The following ITPR1 variants were observed in gnomAD, a reference collection of about 807,000 sequenced individuals.
ITPR1 encodes the protein inositol 1,4,5-trisphosphate receptor type 1.
In ITPR1, 96 loss-of-function variants were observed where a neutral mutation model predicts 318.4. The ratio of observed to expected loss-of-function variants is 0.30; its 90% CI spans 0.26 to 0.36. The LOEUF (loss-of-function observed/expected upper bound fraction) is 0.36. Ranked by LOEUF, ITPR1 falls within the 10% of genes least tolerant of loss-of-function variation. The probability of loss-of-function intolerance (pLI) is 1.00; values close to 1 mark genes in which losing one functional copy is unlikely to be tolerated. For synonymous variants in ITPR1, 1,312 were observed against 1,289.9 expected, an observed-to-expected ratio of 1.02 and a Z score of -0.37; for missense variants, 2,440 against 3,460.2, an observed-to-expected ratio of 0.71 and a Z score of 7.40.
chr3:4,846,914 T>TTAAAC lies in ITPR1; in HGVS notation c.*692_*696dup. 6.6e-6 allele frequency: 1 copy of TTAAAC among 152,644 alleles called. No individual in the cohort carries two copies. Among genetic ancestry groups the TTAAAC allele is most frequent in the South Asian group, 2.1e-4 (1 of 4,834 alleles). The allele number at this position is 152,644 out of a possible 1,614,324, so 9.5% of individuals were successfully genotyped here. A position where few individuals can be genotyped will look rare whatever the true frequency, so the allele number is the denominator to read the frequency against. On this transcript the variant is annotated 3_prime_UTR_variant, in exon 62 of 62. Transcript: ENST00000649015. ...ACTTTTAAGCTTCTAAATTGATCAT[T>TTAAAC]TAAACTATTTCTTTAAATAAGAGAG...
chr3:4,624,287 G>T (rs1234271619), intron 4 of ITPR1, among the ~76,000 whole-genome samples: 1 of 152,180 alleles, frequency 6.6e-6, no homozygotes. Flanking sequence ...AAATGTTAAT[G>T]CCAGTGACTT....
intron 4 of ITPR1, among the ~76,000 whole-genome samples, chr3:4,529,817 A>C (rs1255251164): frequency 6.6e-6 from 1 of 152,228 alleles, no homozygotes; most frequent in Admixed American, 6.5e-5. Context: ...CTATTTAATT[A>C]ATATACTTTA....
At position 4,585,091 on chromosome 3, in the gene ITPR1, C is replaced by A. The variant is rs73009427; in HGVS notation, c.164-42672C>A. Among the ~76,000 whole-genome samples, 250 of 152,210 alleles carry A rather than the reference C, an allele frequency of 1.6e-3. 1 individual carries two copies. The highest frequency in any genetic ancestry group is 3.2e-3 in the Non-Finnish European group (219 of 68,006). On this transcript the variant is annotated intron_variant, in intron 4 of 61. Coordinates refer to ENST00000649015, the MANE Select transcript of ITPR1 (RefSeq NM_001378452.1). Reference sequence around the variant, plus strand: ...TAACTGTGTGCGGCTGTTCCCTGCCCGGGCAGTTGTGTTGTCATCTTGATA... The same window carrying A: ...TAACTGTGTGCGGCTGTTCCCTGCCAGGGCAGTTGTGTTGTCATCTTGATA...
In ITPR1 at chr3:4,719,592, T is replaced by C. The variant is rs548693024; in HGVS notation, c.5136+2193T>C. Among the ~76,000 whole-genome samples, 7 of 152,338 alleles carry C rather than the reference T, an allele frequency of 4.6e-5. 1 individual carries two copies. The South Asian group carries it at 1.4e-3, about 32-fold the overall frequency. On this transcript the variant is annotated intron_variant, in intron 40 of 61. Coordinates refer to ENST00000649015, the MANE Select transcript of ITPR1 (RefSeq NM_001378452.1). Reference sequence around the variant, plus strand: ...GTGGTGGGGAAGAGCCCCAAGGCTGTGTAGGGCCTGCCCAGTGGCCCACTG... The same window carrying C: ...GTGGTGGGGAAGAGCCCCAAGGCTGCGTAGGGCCTGCCCAGTGGCCCACTG...
At chr3:4,536,949 A>AT in intron 4 of ITPR1, among the ~76,000 whole-genome samples, 1 of 123,738 alleles carries the variant, frequency 8.1e-6, no homozygotes. Flanking sequence ...CAAAAGGGGG[A>AT]TTTTTTGGGG....
At chr3:4,822,065 C>T (rs959938327) in intron 60 of ITPR1, among the ~76,000 whole-genome samples, 1 of 152,184 alleles carries the variant, frequency 6.6e-6, no homozygotes, top group Non-Finnish European at 1.5e-5. Flanking sequence ...CCGCTCTGTG[C>T]CTTCCCTCGC....
At chr3:4,694,381 G>A (rs2094525193) in intron 33 of ITPR1, among the ~76,000 whole-genome samples, 1 of 150,706 alleles carries the variant, frequency 6.6e-6, no homozygotes. Context: ...TTTACAATGT[G>A]TAATATTAGT....
chr3:4,781,076 C>T (rs185356488), intron 49 of ITPR1, among the ~76,000 whole-genome samples: 3 of 152,218 alleles, frequency 2.0e-5, no homozygotes, highest in Non-Finnish European at 4.4e-5. Flanking sequence ...GGCCTCAAAT[C>T]GCATGTAACA....
intron 4 of ITPR1, among the ~76,000 whole-genome samples, chr3:4,523,406 T>C (rs1463521091): frequency 2.7e-5 from 4 of 147,076 alleles, no homozygotes; most frequent in Non-Finnish European, 4.5e-5. Flanking sequence ...TTAATTCATA[T>C]ATACATTACC....
intron 28 of ITPR1, 31 bp downstream of exon 28, chr3:4,683,829 T>G: frequency 6.3e-7 from 1 of 1,597,356 alleles, no homozygotes; most frequent in Middle Eastern, 1.7e-4. Flanking sequence ...GCTGCCAAAG[T>G]GGATGGATGG....
intron 4 of ITPR1, among the ~76,000 whole-genome samples, chr3:4,547,037 T>C (rs934682287): frequency 6.6e-6 from 1 of 152,164 alleles, no homozygotes; most frequent in South Asian, 2.1e-4. Flanking sequence ...TGCTGCTTCA[T>C]CTGTGGCATG....
chr3:4,689,489 A>G (rs186102437), intron 31 of ITPR1, among the ~76,000 whole-genome samples: 200 of 152,360 alleles, frequency 1.3e-3, no homozygotes, highest in African/African-American at 4.7e-3. Context: ...GGAGCATTTC[A>G]TATTTTAGAT....
intron 31 of ITPR1, among the ~76,000 whole-genome samples, chr3:4,689,664 C>T (rs2094450163): frequency 6.6e-6 from 1 of 152,140 alleles, no homozygotes; most frequent in African/African-American, 2.4e-5. Context: ...AAGATTAAAG[C>T]CACCACCTCA....
chr3:4,677,558 A>G (rs4684434), intron 24 of ITPR1, among the ~76,000 whole-genome samples: 122,394 of 151,950 alleles, frequency 0.81, 49,624 homozygotes, highest in East Asian at 0.86. Context: ...CCCATGGTGA[A>G]GAGGGCACAT....
At chr3:4,675,318 CCCTATATGTGATGCCACAT>C (rs1393982709) in intron 23 of ITPR1, 70 bp downstream of exon 23, 5 of 1,073,522 alleles carry the variant, frequency 4.7e-6, no homozygotes, top group Non-Finnish European at 6.8e-6. Context: ...TCATGTCATA[CCCTATATGTGATGCCACAT>C]CCTTTCTTTG....
intron 4 of ITPR1, among the ~76,000 whole-genome samples, chr3:4,536,433 G>A (rs2083881375): frequency 6.6e-6 from 1 of 152,188 alleles, no homozygotes; most frequent in Admixed American, 6.5e-5. Context: ...TGGAAAATAT[G>A]TCCTTGGCAA....
rs752379221 is a variant in ITPR1, at chr3:4,667,382, T to C, written c.1719T>C (p.Tyr573=). 7 of 1,606,170 alleles carry C rather than the reference T, an allele frequency of 4.4e-6. 1 individual carries two copies. The South Asian group carries it at 7.8e-5, about 18-fold the overall frequency. The change falls in exon 18 of 62, where the codon TAT becomes TAC. Residue 573 remains tyrosine (Y), a synonymous_variant. Transcript: ENST00000649015. ...SQQDYRKNQE[Y]IAKQFGFMQK... ...TCTTTTCTCTCCTTATAAAGGAGTA[T>C]ATAGCCAAGCAGTTTGGCTTCATGC...
At chr3:4,560,314 A>G (rs962024009) in intron 4 of ITPR1, among the ~76,000 whole-genome samples, 2 of 152,180 alleles carry the variant, frequency 1.3e-5, no homozygotes, top group Non-Finnish European at 2.9e-5. Context: ...TAATGTAATA[A>G]GGTTCTCTCT....
intron 4 of ITPR1, among the ~76,000 whole-genome samples, chr3:4,581,892 A>G (rs2089381226): frequency 6.6e-6 from 1 of 152,138 alleles, no homozygotes; most frequent in African/African-American, 2.4e-5. Flanking sequence ...TTTATTGCTT[A>G]AAAGAAATAG....
Sources: allele counts gnomAD v4.1 joint callset (sites outside exome capture counted in the v4.1 genomes callset), GRCh38; gene constraint gnomAD v4.1.1; transcripts MANE v1.5; gene names NCBI Gene and HGNC (gene_info 2026-07-23, HGNC 2026-07-21).